Variants in STK3 observed in about 807,000 individuals in gnomAD.
The protein encoded by STK3 is serine/threonine-protein kinase 3.
Under a neutral mutation model 58.0 loss-of-function variants are expected in STK3, and 41 were observed. The observed-to-expected ratio is 0.71, with a 90% CI of 0.55 to 0.92. The LOEUF (loss-of-function observed/expected upper bound fraction) is 0.92, where lower values mean the gene tolerates loss of function less well. Among genes scored for constraint, STK3 ranks in the 40% least tolerant of loss-of-function variants. The pLI is 0.00. For synonymous variants in STK3, 170 were observed against 191.0 expected (o/e 0.89, Z 0.91); for missense variants, 479 against 602.7 (o/e 0.79, Z 2.15).
At chr8:98,714,726 C>T (rs934306362) in intron 4 of STK3, among the ~76,000 whole-genome samples, 2 of 152,140 alleles carry the variant, frequency 1.3e-5, no homozygotes, top group Non-Finnish European at 1.5e-5. Context: ...TTTATAGATT[C>T]AATGCCATCC....
At chr8:98,380,218 A>G (rs1264420989) in intron 1 of STK3, among the ~76,000 whole-genome samples, 1 of 152,214 alleles carries the variant, frequency 6.6e-6, no homozygotes, top group East Asian at 1.9e-4. Flanking sequence ...AATACGCTCT[A>G]CGTTCCTCTG....
In STK3 at chr8:98,617,233, A is replaced by G. The variant is rs576488502; in HGVS notation, c.685-21064T>C. Among the ~76,000 whole-genome samples the G allele has an allele frequency of 4.0e-5, 6 of 150,068 alleles. No individual in the cohort carries two copies. In the South Asian group the frequency reaches 1.3e-3, roughly 33 times the overall value. On this transcript the variant is annotated intron_variant, in intron 6 of 10. Coordinates refer to ENST00000419617, the MANE Select transcript of STK3 (RefSeq NM_006281.4). ...GACTACTGGGTACATAACGAAATGAAGGCAGAAATAAAGATGTTCTTTGAA... is the reference window on the plus strand; with the variant it reads ...GACTACTGGGTACATAACGAAATGAGGGCAGAAATAAAGATGTTCTTTGAA...
chr8:98,903,361 G>T (rs1288327310), intron 1 of STK3, among the ~76,000 whole-genome samples: 3 of 151,926 alleles, frequency 2.0e-5, no homozygotes, highest in Non-Finnish European at 4.4e-5. Context: ...TTAGCAATGG[G>T]GATGATTTTT....
chr8:98,702,724 T>A (rs1429936768), intron 6 of STK3, among the ~76,000 whole-genome samples: 2 of 152,126 alleles, frequency 1.3e-5, no homozygotes, highest in African/African-American at 4.8e-5. Context: ...TGGAAAGGGC[T>A]AGAACTCTGT....
At chr8:98,614,915 G>A (rs943430895) in intron 6 of STK3, among the ~76,000 whole-genome samples, 1 of 152,204 alleles carries the variant, frequency 6.6e-6, no homozygotes, top group Non-Finnish European at 1.5e-5. Flanking sequence ...GGCTTGCTTA[G>A]GTAAACAAAG....
intron 1 of STK3, chr8:98,782,487 C>T: frequency 3.6e-6 from 1 of 280,906 alleles, no homozygotes; most frequent in Non-Finnish European, 7.2e-6. Flanking sequence ...GGCACACAGA[C>T]CCACAAGATG....
chr8:98,738,807 G>A (rs554883149), intron 4 of STK3, among the ~76,000 whole-genome samples: 20 of 152,304 alleles, frequency 1.3e-4, no homozygotes, highest in East Asian at 3.9e-4. Context: ...CTCGGGAAGC[G>A]CAAGGGGTTC....
intron 1 of STK3, among the ~76,000 whole-genome samples, chr8:98,381,504 A>C (rs1817733411): frequency 6.6e-6 from 1 of 152,202 alleles, no homozygotes. Flanking sequence ...CACTTGGGTT[A>C]GGGGATAGAG....
intron 6 of STK3, among the ~76,000 whole-genome samples, chr8:98,644,998 T>C (rs1377616740): frequency 6.6e-6 from 1 of 152,212 alleles, no homozygotes; most frequent in Non-Finnish European, 1.5e-5. Context: ...GGTTAAGATT[T>C]ACTGCATGTT....
At chr8:98,835,039 T>C (rs1291144047) in intron 3 of STK3, among the ~76,000 whole-genome samples, 1 of 152,146 alleles carries the variant, frequency 6.6e-6, no homozygotes, top group Non-Finnish European at 1.5e-5. Flanking sequence ...AACATAAAGA[T>C]AGTGGGTGAG....
intron 2 of STK3, among the ~76,000 whole-genome samples, chr8:98,773,100 A>G (rs910502985): frequency 2.0e-5 from 3 of 152,150 alleles, no homozygotes; most frequent in African/African-American, 7.2e-5. Flanking sequence ...GGTACTTTAT[A>G]TATTTTTACT....
intron 6 of STK3, among the ~76,000 whole-genome samples, chr8:98,656,576 C>G (rs1821550935): frequency 6.6e-6 from 1 of 152,034 alleles, no homozygotes; most frequent in Non-Finnish European, 1.5e-5. Context: ...CATCCATTAT[C>G]ATCATCTAAT....
intron 10 of STK3, among the ~76,000 whole-genome samples, chr8:98,501,119 G>A (rs1201075987): frequency 3.9e-4 from 60 of 152,056 alleles, no homozygotes; most frequent in Admixed American, 3.1e-3. Flanking sequence ...GCATGAGATG[G>A]TATCTCATTG....
chr8:98,347,532 A>T, the STK3 span, among the ~76,000 whole-genome samples: 1 of 142,848 alleles, frequency 7.0e-6, no homozygotes, highest in African/African-American at 2.5e-5. Context: ...AACAAAAAAA[A>T]CCAAAAAAAA....
At chr8:98,565,336 T>C (rs1812387208) in intron 8 of STK3, among the ~76,000 whole-genome samples, 1 of 152,170 alleles carries the variant, frequency 6.6e-6, no homozygotes, top group African/African-American at 2.4e-5. Flanking sequence ...TAGCAATTTA[T>C]TAAATATTTT....
chr8:98,367,475 A>G (rs1214776557), downstream of STK3, among the ~76,000 whole-genome samples: 1 of 152,202 alleles, frequency 6.6e-6, no homozygotes, highest in Non-Finnish European at 1.5e-5. Context: ...AAACCCTTAG[A>G]AATCATACTG....
At chr8:98,403,637 GA>G (rs35405216) in intron 3 of STK3, among the ~76,000 whole-genome samples, 21,883 of 152,196 alleles carry the variant, frequency 0.14, 2,637 homozygotes, top group East Asian at 0.41. Context: ...GGGGGACAGG[GA>G]TCATATCTGT....
chr8:98,702,857 A>G (rs1016150001), intron 6 of STK3, among the ~76,000 whole-genome samples: 1 of 152,186 alleles, frequency 6.6e-6, no homozygotes, highest in Admixed American at 6.5e-5. Flanking sequence ...ACCACATCCT[A>G]ACTTTGTCTC....
rs191660046 is a variant in STK3 at position 98,515,265 on chromosome 8, C to T, written c.1317+11477G>A. Among the ~76,000 whole-genome samples, 305 of 152,188 alleles carry T rather than the reference C, an allele frequency of 2.0e-3. 2 individuals carry two copies. The highest frequency in any genetic ancestry group is 7.1e-3 in the African/African-American group (296 of 41,544). On this transcript the variant is annotated intron_variant, in intron 10 of 10. Coordinates refer to ENST00000419617, the MANE Select transcript of STK3 (RefSeq NM_006281.4). ...TAGCTATCCATTACTCATAGGATTA[C>T]GGCTAAACCTAGAAGCCTCAGCTTG...
Sources: gnomAD v4.1 joint callset for allele counts (sites outside exome capture counted in the v4.1 genomes callset) on GRCh38, gnomAD v4.1.1 for gene constraint, MANE v1.5 for transcripts, NCBI Gene and HGNC (gene_info 2026-07-23, HGNC 2026-07-21) for gene names.